The following PCDHGB1 variants were observed in gnomAD, a reference collection of about 807,000 sequenced individuals.
PCDHGB1 encodes the protein protocadherin gamma subfamily B, 1.
Under a neutral mutation model 56.6 loss-of-function variants are expected in PCDHGB1, and 34 were observed. The ratio of observed to expected loss-of-function variants is 0.60; its 90% CI spans 0.46 to 0.80. The LOEUF (loss-of-function observed/expected upper bound fraction) is 0.80, where lower values mean the gene tolerates loss of function less well. PCDHGB1 is among the 30% of genes least tolerant of loss of function. PCDHGB1 has a pLI of 0.00. For missense variants in PCDHGB1, 1,278 were observed against 1,204.6 expected (o/e 1.06, Z -0.90); for synonymous variants, 561 against 505.9 (o/e 1.11, Z -1.46).
At chr5:141,412,932 T>C (rs2095590399) in intron 1 of PCDHGB1, 3 of 453,328 alleles carry the variant, frequency 6.6e-6, no homozygotes, top group South Asian at 1.0e-4. Flanking sequence ...AGTAACTTCT[T>C]AGGACTCTGA....
chr5:141,450,085 C>T (rs997781052), intron 1 of PCDHGB1, among the ~76,000 whole-genome samples: 3 of 149,208 alleles, frequency 2.0e-5, no homozygotes, highest in Non-Finnish European at 4.4e-5. Context: ...TGGCTCACTG[C>T]AACCTCCGCC....
At chr5:141,461,757 G>A (rs2099022119) in intron 1 of PCDHGB1, among the ~76,000 whole-genome samples, 1 of 151,994 alleles carries the variant, frequency 6.6e-6, no homozygotes, top group Non-Finnish European at 1.5e-5. Context: ...AGATTCAAGC[G>A]ATTCTCCTGC....
chr5:141,410,295 T>C (rs1043971768), intron 1 of PCDHGB1: 2 of 1,613,982 alleles, frequency 1.2e-6, no homozygotes, highest in East Asian at 2.2e-5. Context: ...GCCTTGGCCT[T>C]AATCTCAGTG....
chr5:141,359,246 A>G (rs1007985499), intron 1 of PCDHGB1, among the ~76,000 whole-genome samples: 1 of 152,156 alleles, frequency 6.6e-6, no homozygotes, highest in Non-Finnish European at 1.5e-5. Flanking sequence ...TAAAGTAATT[A>G]AGCCATAAAA....
At chr5:141,374,954 A>C in intron 1 of PCDHGB1, 1 of 1,613,990 alleles carries the variant, frequency 6.2e-7, no homozygotes, top group Non-Finnish European at 8.5e-7. Flanking sequence ...GATCTCACAA[A>C]TTTTCTGTTT....
chr5:141,384,252 C>T lies in PCDHGB1; in HGVS notation c.2409+31583C>T, dbSNP rs377503121. ...CAGACACCAACGATAACCCACCCAC[C>T]TTCCCCCACTCATCCTACTCAGTCT... is the stretch of plus-strand genomic sequence containing the variant. On this transcript the variant is annotated intron_variant, in intron 1 of 3. Coordinates refer to ENST00000523390, the MANE Select transcript of PCDHGB1 (RefSeq NM_018922.3). 204 of 1,613,902 alleles carry T rather than the reference C, an allele frequency of 1.3e-4. 1 individual carries two copies. The highest frequency in any genetic ancestry group is 1.5e-4 in the Non-Finnish European group (179 of 1,179,886).
In PCDHGB1 at chr5:141,432,688, A is replaced by T; in HGVS notation, c.2410-62119A>T. 1 of 1,613,896 alleles carries T rather than the reference A, an allele frequency of 6.2e-7. No homozygotes were observed. The highest frequency in any genetic ancestry group is 1.1e-5 in the South Asian group (1 of 91,078). ...GAGACGCGCTCAAGCAGAGCCTCGTAGTGGCCGTCCAGGACCACGGCCAGC... is the reference window on the plus strand; with the variant it reads ...GAGACGCGCTCAAGCAGAGCCTCGTTGTGGCCGTCCAGGACCACGGCCAGC... On this transcript the variant is annotated intron_variant, in intron 1 of 3. Transcript: ENST00000523390. This position sits in a 1 kb window ranked among gnomAD's most constrained non-coding sequence, Gnocchi z 6.0.
chr5:141,483,892 A>C (rs1463395859), intron 1 of PCDHGB1, among the ~76,000 whole-genome samples: 1 of 151,652 alleles, frequency 6.6e-6, no homozygotes, highest in Non-Finnish European at 1.5e-5. Flanking sequence ...TATTTCTCTG[A>C]GCTCTGGTGT....
Position 141,351,569 on chromosome 5 carries a change from CACATCTCCG to C in PCDHGB1, c.1315_1323del (p.Ser439_Ile441del). 1 of 1,614,062 alleles carries C rather than the reference CACATCTCCG, an allele frequency of 6.2e-7. No homozygotes were observed. The highest frequency in any genetic ancestry group is 8.5e-7 in the Non-Finnish European group (1 of 1,179,908). ...TTCCTCCAGGACAAGCATCACCCTG[CACATCTCCG>C]ACATCAACGACAATGCACCTGTTTT... On this transcript the variant is annotated inframe_deletion, in exon 1 of 4. Transcript: ENST00000523390.
intron 1 of PCDHGB1, chr5:141,372,532 T>C (rs2150008229): frequency 6.2e-7 from 1 of 1,614,022 alleles, no homozygotes; most frequent in South Asian, 1.1e-5. Context: ...GCAATCTCCC[T>C]GCGCCTGCGA....
intron 1 of PCDHGB1, chr5:141,362,108 C>G (rs1317907295): frequency 6.2e-7 from 1 of 1,613,854 alleles, no homozygotes; most frequent in Admixed American, 1.7e-5. Context: ...TCCGCTACGG[C>G]CACGCTGCAC....
chr5:141,389,378 G>A (rs574837458), intron 1 of PCDHGB1: 4 of 1,613,766 alleles, frequency 2.5e-6, no homozygotes, highest in African/African-American at 2.7e-5. Flanking sequence ...AGCAGCGGGA[G>A]CTGTCATCCT....
At chr5:141,392,994 A>T in intron 1 of PCDHGB1, 1 of 1,613,910 alleles carries the variant, frequency 6.2e-7, no homozygotes, top group Non-Finnish European at 8.5e-7. Context: ...GAAGCTGGCG[A>T]AGCACGGAGT....
Position 141,350,525 on chromosome 5 carries a change from C to T in PCDHGB1, c.265C>T (p.Arg89Ter). The T allele has an allele frequency of 1.2e-6, 2 of 1,613,934 alleles. No individual in the cohort carries two copies. Among genetic ancestry groups the T allele is most frequent in the Non-Finnish European group, 1.7e-6 (2 of 1,179,882 alleles). Residue 89 changes from arginine (R) to a stop codon, truncating the protein, a stop_gained, in exon 1 of 4, where the codon CGA (arginine) becomes TGA (stop). Transcript: ENST00000523390. LOFTEE classifies it high-confidence loss of function. ...TTTGTTAGTGAACGGTAGGATAGAT[C>T]GAGAGAAGATTTGCGGAAGGAAACT... ...GDLLVNGRIDREKICGRKLEC... is the reference protein window; with the variant it reads ...GDLLVNGRID
At chr5:141,409,893 A>G in intron 1 of PCDHGB1, 2 of 1,613,138 alleles carry the variant, frequency 1.2e-6, no homozygotes, top group Middle Eastern at 3.3e-4. Flanking sequence ...CGGGTGCTGT[A>G]CCCAGCTCTG....
chr5:141,369,254 T>A (rs1743165923), intron 1 of PCDHGB1, among the ~76,000 whole-genome samples: 1 of 152,160 alleles, frequency 6.6e-6, no homozygotes, highest in Admixed American at 6.5e-5. Flanking sequence ...TTAAATAATA[T>A]AATTATAAGG....
At chr5:141,400,242 G>A (rs757952126) in intron 1 of PCDHGB1, 14 of 1,613,894 alleles carry the variant, frequency 8.7e-6, no homozygotes, top group Middle Eastern at 1.6e-4. Context: ...CCGTGATTCT[G>A]GCCGTTGCCT....
chr5:141,376,100 G>A (rs772318189), intron 1 of PCDHGB1: 1 of 1,613,750 alleles, frequency 6.2e-7, no homozygotes, highest in Non-Finnish European at 8.5e-7. Flanking sequence ...CGACATCCTG[G>A]CCGACCTGGG....
rs760611278 is a variant in PCDHGB1, at chr5:141,351,085, C to A, written c.825C>A (p.Thr275=). ...DQDEGINAEI[T]YAFLNSPIST... ...ATGAGGGCATTAATGCAGAGATCAC[C>A]TATGCCTTCCTCAATTCCCCAATAA... Residue 275 remains threonine (T), a synonymous_variant, in exon 1 of 4, where the codon ACC becomes ACA. Transcript: ENST00000523390. The A allele has an allele frequency of 6.2e-7, 1 of 1,614,034 alleles. No individual in the cohort carries two copies. The highest frequency in any genetic ancestry group is 8.5e-7 in the Non-Finnish European group (1 of 1,179,868).
Sources: allele counts gnomAD v4.1 joint callset (sites outside exome capture counted in the v4.1 genomes callset), GRCh38; gene constraint gnomAD v4.1.1; non-coding constraint Gnocchi (gnomAD v3.1); transcripts MANE v1.5; gene names NCBI Gene and HGNC (gene_info 2026-07-23, HGNC 2026-07-21).